The following FAXC variants were observed in gnomAD, a reference collection of about 807,000 sequenced individuals.
FAXC encodes failed axon connections homolog, metaxin like GST domain containing.
A neutral mutation model predicts 41.9 loss-of-function variants in FAXC; 10 were observed. That is an observed-to-expected ratio of 0.24 (90% CI 0.15 to 0.41). FAXC has a LOEUF of 0.41. Ranked by LOEUF, FAXC falls within the 10% of genes least tolerant of loss-of-function variation. The pLI is 1.00. For synonymous variants in FAXC, 183 were observed against 183.8 expected, an observed-to-expected ratio of 1.00 and a Z score of 0.03; for missense variants, 399 against 510.9, an observed-to-expected ratio of 0.78 and a Z score of 2.11.
chr6:99,328,959 A>G (rs1772928564), intron 3 of FAXC, among the ~76,000 whole-genome samples: 1 of 152,224 alleles, frequency 6.6e-6, no homozygotes, highest in Non-Finnish European at 1.5e-5. Context: ...AAGAGATGAC[A>G]CATACTTAAA....
chr6:99,312,365 T>C (rs1772185648), intron 4 of FAXC, among the ~76,000 whole-genome samples: 1 of 152,248 alleles, frequency 6.6e-6, no homozygotes, highest in South Asian at 2.1e-4. Flanking sequence ...ATGCACACTG[T>C]TCAGCTCTTC....
At chr6:99,297,115 G>T (rs934158228) in intron 4 of FAXC, among the ~76,000 whole-genome samples, 3 of 152,174 alleles carry the variant, frequency 2.0e-5, no homozygotes, top group African/African-American at 7.2e-5. Flanking sequence ...AGCCTTTAGT[G>T]AACTTGATTA....
chr6:99,291,674 C>T, intron 5 of FAXC, 30 bp downstream of exon 5: 9 of 1,571,042 alleles, frequency 5.7e-6, no homozygotes, highest in Non-Finnish European at 7.9e-6. Flanking sequence ...CCAGTAAGCC[C>T]CAAAACCTGA....
chr6:99,305,643 T>C (rs1771889241), intron 4 of FAXC, among the ~76,000 whole-genome samples: 2 of 151,166 alleles, frequency 1.3e-5, no homozygotes, highest in Non-Finnish European at 2.9e-5. Flanking sequence ...GATATTGCTA[T>C]ATCACCATAG....
At chr6:99,295,501 C>A (rs1025182534) in intron 4 of FAXC, among the ~76,000 whole-genome samples, 2 of 152,104 alleles carry the variant, frequency 1.3e-5, no homozygotes, top group African/African-American at 2.4e-5. Context: ...AAAGGCTGAC[C>A]CCTCACCTGA....
At chr6:99,335,798 G>C (rs1458884887) in intron 2 of FAXC, among the ~76,000 whole-genome samples, 1 of 151,972 alleles carries the variant, frequency 6.6e-6, no homozygotes, top group Non-Finnish European at 1.5e-5. Flanking sequence ...AACAATTTTG[G>C]TATTTCTAAC....
chr6:99,291,624 C>G, intron 5 of FAXC, 80 bp downstream of exon 5: 1 of 984,664 alleles, frequency 1.0e-6, no homozygotes, highest in Non-Finnish European at 1.6e-6. Context: ...AAGCATTGGT[C>G]TAGAATTCTC....
intron 4 of FAXC, among the ~76,000 whole-genome samples, chr6:99,296,626 C>A (rs1017461464): frequency 6.6e-6 from 1 of 152,156 alleles, no homozygotes; most frequent in Non-Finnish European, 1.5e-5. Context: ...GCAGAGCCCT[C>A]CTGACGATGA....
In FAXC at chr6:99,272,712, C is replaced by A. The variant is rs527631782; in HGVS notation, c.*8452G>T. 3.9e-5 allele frequency: 6 copies of A among 152,162 alleles called. No homozygotes were observed. The highest frequency in any genetic ancestry group is 1.4e-4 in the African/African-American group (6 of 41,428). 9.4% of individuals were successfully genotyped at this position (152,162 alleles called of 1,614,324 possible). ...AAAAGCCACTCACTTGAAATTCTAT[C>A]AAAGTTATATGCCTAAAAAATTCAT... On this transcript the variant is annotated 3_prime_UTR_variant, in exon 6 of 6. Coordinates refer to ENST00000389677, the MANE Select transcript of FAXC (RefSeq NM_032511.4).
At position 99,335,820 on chromosome 6, in the gene FAXC, T is replaced by C. The variant is rs115691645; in HGVS notation, c.403-2273A>G. On this transcript the variant is annotated intron_variant, in intron 2 of 5. Transcript: ENST00000389677. Reference sequence around the variant, plus strand: ...TTGGTATTTCTAACAAAATTAATAATCAATTCTTATGTAAATGGAAGTTCT... The same window carrying C: ...TTGGTATTTCTAACAAAATTAATAACCAATTCTTATGTAAATGGAAGTTCT... Among the ~76,000 whole-genome samples the C allele has an allele frequency of 6.1e-3, 925 of 152,316 alleles. 7 individuals carry two copies. Among genetic ancestry groups the C allele is most frequent in the African/African-American group, 0.021 (867 of 41,556 alleles).
rs534329140 is a variant in FAXC, at chr6:99,282,990, T to A, written c.941-1537A>T. 3.3e-5 allele frequency among the ~76,000 whole-genome samples: 5 copies of A among 152,346 alleles called. No individual in the cohort carries two copies. The East Asian group carries it at 9.6e-4, about 29-fold the overall frequency. On this transcript the variant is annotated intron_variant, in intron 5 of 5. Transcript: ENST00000389677. ...TCCACTTAACAACGTATAATAAAAATCTTTGAATGTCACACTCTGATCACA... is the reference window on the plus strand; with the variant it reads ...TCCACTTAACAACGTATAATAAAAAACTTTGAATGTCACACTCTGATCACA...
intron 4 of FAXC, among the ~76,000 whole-genome samples, chr6:99,308,891 G>T (rs181830077): frequency 3.3e-5 from 5 of 152,060 alleles, no homozygotes; most frequent in African/African-American, 1.2e-4. Context: ...TAAAATTTTC[G>T]TTTATTATAT....
chr6:99,298,136 G>A (rs1201329879), intron 4 of FAXC, among the ~76,000 whole-genome samples: 2 of 152,156 alleles, frequency 1.3e-5, no homozygotes. Context: ...CACTGTTCCA[G>A]GTGATTCTTG....
intron 4 of FAXC, among the ~76,000 whole-genome samples, chr6:99,293,791 G>C (rs1562155293): frequency 6.8e-6 from 1 of 147,810 alleles, no homozygotes; most frequent in Non-Finnish European, 1.5e-5. Flanking sequence ...GTCAATTCTT[G>C]CTTTTATTTA....
At chr6:99,342,347 T>G (rs1233226838) in intron 2 of FAXC, among the ~76,000 whole-genome samples, 1 of 133,152 alleles carries the variant, frequency 7.5e-6, no homozygotes. Context: ...CAAAGCATAC[T>G]TTTTTTTTTT....
chr6:99,318,297 AC>A (rs1772448995), intron 4 of FAXC, among the ~76,000 whole-genome samples: 1 of 146,752 alleles, frequency 6.8e-6, no homozygotes, highest in Admixed American at 6.8e-5. Flanking sequence ...ACACACACAC[AC>A]ACACACACAA....
intron 4 of FAXC, among the ~76,000 whole-genome samples, chr6:99,315,263 C>A (rs9399127): frequency 0.59 from 20,035 of 34,122 alleles, 6,607 homozygotes; most frequent in East Asian, 0.78. Flanking sequence ...AAAAAAAAAA[C>A]CAGTAAATGT....
rs1432345422 is a variant in FAXC, at chr6:99,272,510, C to A, written c.*8654G>T. On this transcript the variant is annotated 3_prime_UTR_variant, in exon 6 of 6. Coordinates refer to ENST00000389677, the MANE Select transcript of FAXC (RefSeq NM_032511.4). Reference sequence around the variant, plus strand: ...AATATTTATACAAGGGGAAATTGGTCTATTATAAGGCCTAGCCATAGTAAA... The same window carrying A: ...AATATTTATACAAGGGGAAATTGGTATATTATAAGGCCTAGCCATAGTAAA... 1 of 152,140 alleles carries A rather than the reference C, an allele frequency of 6.6e-6. No individual in the cohort carries two copies. Among genetic ancestry groups the A allele is most frequent in the African/African-American group, 2.4e-5 (1 of 41,410 alleles). 9.4% of individuals were successfully genotyped at this position (152,140 alleles called of 1,614,324 possible).
At chr6:99,343,139 G>A in intron 1 of FAXC, 106 bp from the exon 2 acceptor site, 2 of 1,004,180 alleles carry the variant, frequency 2.0e-6, no homozygotes, top group Non-Finnish European at 2.9e-6. Flanking sequence ...CAATGAACAA[G>A]CAGATCTGTT....
Sources: gnomAD v4.1 joint callset for allele counts (sites outside exome capture counted in the v4.1 genomes callset) on GRCh38, gnomAD v4.1.1 for gene constraint, MANE v1.5 for transcripts, NCBI Gene and HGNC (gene_info 2026-07-23, HGNC 2026-07-21) for gene names.